The following FUT9 variants were observed in gnomAD, a reference collection of about 807,000 sequenced individuals.
FUT9 encodes the protein 4-galactosyl-N-acetylglucosaminide 3-alpha-L-fucosyltransferase 9.
In FUT9, 15 loss-of-function variants were observed where a neutral mutation model predicts 29.7. The ratio of observed to expected loss-of-function variants is 0.51; its 90% CI spans 0.34 to 0.78. FUT9 has a LOEUF of 0.78. Among genes scored for constraint, FUT9 ranks in the 30% least tolerant of loss-of-function variants. The probability of loss-of-function intolerance (pLI) is 0.01; values close to 1 mark genes in which losing one functional copy is unlikely to be tolerated. For synonymous variants in FUT9, 169 were observed against 153.7 expected, an observed-to-expected ratio of 1.10 and a Z score of -0.74; for missense variants, 319 against 425.4, an observed-to-expected ratio of 0.75 and a Z score of 2.20.
intron 2 of FUT9, among the ~76,000 whole-genome samples, chr6:96,200,520 T>A (rs570792837): frequency 2.6e-5 from 4 of 152,264 alleles, no homozygotes; most frequent in African/African-American, 9.6e-5. Flanking sequence ...ATGATGTGTG[T>A]AAAATGCTTG....
At chr6:96,092,175 G>A (rs1388377225) in intron 1 of FUT9, among the ~76,000 whole-genome samples, 1 of 151,946 alleles carries the variant, frequency 6.6e-6, no homozygotes, top group East Asian at 1.9e-4. Flanking sequence ...TGTAATCAAC[G>A]AAAATTTCCA....
At chr6:96,137,434 C>CA (rs1378175266) in intron 2 of FUT9, among the ~76,000 whole-genome samples, 5 of 152,046 alleles carry the variant, frequency 3.3e-5, no homozygotes, top group Non-Finnish European at 7.4e-5. Flanking sequence ...GTGGATACTT[C>CA]ACCCTCAAGT....
At chr6:96,022,290 G>C (rs1770082536) in intron 1 of FUT9, among the ~76,000 whole-genome samples, 1 of 152,066 alleles carries the variant, frequency 6.6e-6, no homozygotes, top group Non-Finnish European at 1.5e-5. Context: ...ATGAGTGACT[G>C]GTTGTACTCC....
At chr6:96,102,522 A>C (rs1453168068) in intron 1 of FUT9, among the ~76,000 whole-genome samples, 1 of 152,080 alleles carries the variant, frequency 6.6e-6, no homozygotes, top group Non-Finnish European at 1.5e-5. Flanking sequence ...AGGTGTTATA[A>C]ATTTTTTCTC....
In FUT9 at chr6:96,106,544, C is replaced by G. The variant is rs562128948; in HGVS notation, c.-97-7495C>G. 2.6e-5 allele frequency among the ~76,000 whole-genome samples: 4 copies of G among 152,238 alleles called. No individual in the cohort carries two copies. In the East Asian group the frequency reaches 7.7e-4, roughly 29 times the overall value. ...TGACTGTTATACAATCTTTGGCTGA[C>G]TTTACCTCTTATCTCCTATCTTCAG... On this transcript the variant is annotated intron_variant, in intron 1 of 2. Transcript: ENST00000302103.
chr6:96,033,985 A>C (rs1279035594), intron 1 of FUT9, among the ~76,000 whole-genome samples: 1 of 151,680 alleles, frequency 6.6e-6, no homozygotes, highest in Non-Finnish European at 1.5e-5. Flanking sequence ...AAAATTTAAA[A>C]AAAGGCATAA....
chr6:96,112,324 C>A (rs1771824700), intron 1 of FUT9, among the ~76,000 whole-genome samples: 1 of 152,084 alleles, frequency 6.6e-6, no homozygotes, highest in African/African-American at 2.4e-5. Flanking sequence ...ACAAATGTTA[C>A]AAAATATAGA....
At chr6:96,181,583 C>CA (rs6149709) in intron 2 of FUT9, among the ~76,000 whole-genome samples, 138,494 of 151,846 alleles carry the variant, frequency 0.91, 64,518 homozygotes, top group Non-Finnish European at 1. Context: ...TTTTATCCCT[C>CA]TCCTTTCTCC....
intron 1 of FUT9, among the ~76,000 whole-genome samples, chr6:96,065,658 A>AT (rs1448991806): frequency 6.6e-6 from 1 of 152,194 alleles, no homozygotes; most frequent in African/African-American, 2.4e-5. Flanking sequence ...TTTTCATAAC[A>AT]TTTCCTCCTT....
intron 1 of FUT9, among the ~76,000 whole-genome samples, chr6:96,073,577 A>T (rs1771098385): frequency 6.6e-6 from 1 of 152,254 alleles, no homozygotes; most frequent in African/African-American, 2.4e-5. Context: ...AGGTCTAAAT[A>T]TCAAGAGTGA....
At chr6:96,033,839 C>T (rs112868426) in intron 1 of FUT9, among the ~76,000 whole-genome samples, 3,403 of 151,670 alleles carry the variant, frequency 0.022, 126 homozygotes, top group African/African-American at 0.078. Context: ...TACAAATACA[C>T]TCACACACAA....
At chr6:96,050,655 C>G (rs1025875043) in intron 1 of FUT9, among the ~76,000 whole-genome samples, 5 of 152,172 alleles carry the variant, frequency 3.3e-5, no homozygotes, top group African/African-American at 1.2e-4. Flanking sequence ...ACATACCACA[C>G]TTTAAGTAGC....
Position 96,214,436 on chromosome 6 carries a change from A to G in FUT9, c.*10201A>G, listed in dbSNP as rs1053579479. ...ACCAGTGTAATCACTAGGGGAAGAA[A>G]AAGTAGGCCTACCCTTTTACTTATT... On this transcript the variant is annotated 3_prime_UTR_variant, in exon 3 of 3. Coordinates refer to ENST00000302103, the MANE Select transcript of FUT9 (RefSeq NM_006581.4). 1.2e-5 allele frequency: 2 copies of G among 166,988 alleles called. No individual in the cohort carries two copies. The highest frequency in any genetic ancestry group is 2.4e-5 in the African/African-American group (1 of 41,434). 10.3% of individuals were successfully genotyped at this position (166,988 alleles called of 1,614,324 possible). A position where few individuals can be genotyped will look rare whatever the true frequency, so the allele number is the denominator to read the frequency against.
At chr6:96,146,272 T>C (rs1208205153) in intron 2 of FUT9, among the ~76,000 whole-genome samples, 1 of 152,202 alleles carries the variant, frequency 6.6e-6, no homozygotes, top group Non-Finnish European at 1.5e-5. Context: ...GTAAAAATGA[T>C]CTAAGTGATA....
intron 1 of FUT9, among the ~76,000 whole-genome samples, chr6:96,050,594 C>T (rs568143831): frequency 2.0e-5 from 3 of 152,164 alleles, no homozygotes; most frequent in Non-Finnish European, 4.4e-5. Context: ...ATTTAAATGC[C>T]TATCCTCTCT....
intron 1 of FUT9, among the ~76,000 whole-genome samples, chr6:96,028,862 C>T (rs1290595369): frequency 6.6e-6 from 1 of 151,490 alleles, no homozygotes; most frequent in Non-Finnish European, 1.5e-5. Flanking sequence ...AAGAAGTTAT[C>T]TATTTTAATA....
chr6:96,174,770 G>C, intron 2 of FUT9, among the ~76,000 whole-genome samples: 1 of 152,144 alleles, frequency 6.6e-6, no homozygotes, highest in Admixed American at 6.6e-5. Flanking sequence ...AATGAAGGAA[G>C]ATAAGAATGC....
chr6:96,201,037 G>C (rs1284190819), intron 2 of FUT9, among the ~76,000 whole-genome samples: 1 of 151,496 alleles, frequency 6.6e-6, no homozygotes, highest in Non-Finnish European at 1.5e-5. Flanking sequence ...TTGACCTCAT[G>C]AGCTAAGCTT....
intron 1 of FUT9, among the ~76,000 whole-genome samples, chr6:96,095,407 G>T (rs1771478325): frequency 6.6e-6 from 1 of 152,082 alleles, no homozygotes; most frequent in African/African-American, 2.4e-5. Context: ...ACTTTCGCTT[G>T]AATACATTCA....
Sources: gnomAD v4.1 joint callset for allele counts (sites outside exome capture counted in the v4.1 genomes callset) on GRCh38, gnomAD v4.1.1 for gene constraint, MANE v1.5 for transcripts, NCBI Gene and HGNC (gene_info 2026-07-23, HGNC 2026-07-21) for gene names.